The following NEBL variants were observed in gnomAD, a reference collection of about 807,000 sequenced individuals.
NEBL encodes the protein nebulette, also known as LIM and SH3 protein 2.
Under a neutral mutation model 140.2 loss-of-function variants are expected in NEBL, and 122 were observed. The observed-to-expected ratio is 0.87, with a 90% CI of 0.75 to 1.01. NEBL has a LOEUF of 1.01. Ranked by LOEUF, NEBL falls within the 50% of genes least tolerant of loss-of-function variation. The pLI is 0.00. For missense variants in NEBL, 1,365 were observed against 1,231.3 expected (o/e 1.11, Z -1.62); for synonymous variants, 436 against 398.9 (o/e 1.09, Z -1.11).
chr10:20,944,120 C>T (rs1363216172), intron 4 of NEBL, among the ~76,000 whole-genome samples: 1 of 152,122 alleles, frequency 6.6e-6, no homozygotes, highest in African/African-American at 2.4e-5. Context: ...AAATATAGGC[C>T]GGGCGCAGTG....
intron 16 of NEBL, among the ~76,000 whole-genome samples, chr10:20,830,734 CAA>C (rs577547056): frequency 1.1e-4 from 14 of 129,726 alleles, no homozygotes; most frequent in Non-Finnish European, 1.7e-4. Context: ...CCAATAGGGT[CAA>C]AAAAAAAAAA....
chr10:21,074,261 G>A (rs1292991629), intron 2 of NEBL, among the ~76,000 whole-genome samples: 1 of 151,886 alleles, frequency 6.6e-6, no homozygotes, highest in Non-Finnish European at 1.5e-5. Flanking sequence ...ATCTGCTTGT[G>A]CCTACCCATA....
chr10:21,143,448 C>CAAAA (rs72021692), intron 2 of NEBL, among the ~76,000 whole-genome samples: 18 of 66,442 alleles, frequency 2.7e-4, no homozygotes, highest in East Asian at 1.4e-3. Flanking sequence ...AACTTCATCT[C>CAAAA]AAAAAAAAAA....
At chr10:20,947,112 A>C (rs1835203302) in intron 4 of NEBL, among the ~76,000 whole-genome samples, 2 of 152,130 alleles carry the variant, frequency 1.3e-5, no homozygotes, top group African/African-American at 2.4e-5. Flanking sequence ...TCCTTTTTTG[A>C]ATACACCTTG....
chr10:20,951,466 T>G (rs562276580), intron 4 of NEBL, among the ~76,000 whole-genome samples: 2 of 149,356 alleles, frequency 1.3e-5, no homozygotes, highest in African/African-American at 4.8e-5. Context: ...GAGAGCATAG[T>G]TGCATACTTA....
intron 26 of NEBL, among the ~76,000 whole-genome samples, chr10:20,795,462 T>A (rs1474848717): frequency 6.6e-6 from 1 of 152,194 alleles, no homozygotes; most frequent in Non-Finnish European, 1.5e-5. Flanking sequence ...CAAACTCAAA[T>A]AAAGTAGCAT....
At chr10:21,179,803 G>A (rs904468273), upstream of NEBL, among the ~76,000 whole-genome samples, 1 of 151,996 alleles carries the variant, frequency 6.6e-6, no homozygotes, top group Non-Finnish European at 1.5e-5. Flanking sequence ...GAAGGGGAAG[G>A]GACCACAAGA....
intron 2 of NEBL, among the ~76,000 whole-genome samples, chr10:21,035,243 C>T (rs1469660393): frequency 1.3e-5 from 2 of 152,126 alleles, no homozygotes; most frequent in Non-Finnish European, 1.5e-5. Flanking sequence ...AGTGATCTGC[C>T]CGCTTCGGCC....
At chr10:21,057,856 T>C (rs1835101548) in intron 2 of NEBL, among the ~76,000 whole-genome samples, 1 of 152,180 alleles carries the variant, frequency 6.6e-6, no homozygotes, top group Non-Finnish European at 1.5e-5. Context: ...GATCTGTTAA[T>C]TTATTCATAA....
intron 2 of NEBL, among the ~76,000 whole-genome samples, chr10:21,103,426 T>G (rs372835649): frequency 9.2e-5 from 14 of 152,080 alleles, no homozygotes; most frequent in East Asian, 7.7e-4. Context: ...TGTTAGCCAG[T>G]ATGGTCTCCA....
At chr10:20,883,545 G>T (rs1404990918) in intron 4 of NEBL, among the ~76,000 whole-genome samples, 1 of 152,190 alleles carries the variant, frequency 6.6e-6, no homozygotes, top group Admixed American at 6.5e-5. Flanking sequence ...GGGAGAGGAG[G>T]AGTTTCATGG....
At chr10:20,909,983 T>C (rs1025096343) in intron 4 of NEBL, among the ~76,000 whole-genome samples, 1 of 152,176 alleles carries the variant, frequency 6.6e-6, no homozygotes, top group African/African-American at 2.4e-5. Flanking sequence ...TATTTCACTG[T>C]GTGTCAGCAA....
rs184430359 is a variant in NEBL at position 21,222,081 on chromosome 10, C to A, written n.348+25840G>T. ...CATGTTCATTTCAACAGGTTTTATA[C>A]CACTATCTCATTTTGAAGTTTATAT... On this transcript the variant is annotated intron_variant and non_coding_transcript_variant, in intron 3 of 8. Coordinates refer to the NEBL transcript ENST00000675702. Among the ~76,000 whole-genome samples the A allele has an allele frequency of 2.8e-3, 418 of 151,680 alleles. 6 individuals carry two copies. The highest frequency in any genetic ancestry group is 4.7e-4 in the Non-Finnish European group (32 of 67,970).
intron 3 of NEBL, among the ~76,000 whole-genome samples, chr10:20,973,040 G>A (rs1482125809): frequency 6.6e-6 from 1 of 152,016 alleles, no homozygotes; most frequent in Non-Finnish European, 1.5e-5. Context: ...GTTACATGAA[G>A]AATTATGGCT....
intron 3 of NEBL, among the ~76,000 whole-genome samples, chr10:21,000,755 A>C (rs1837861727): frequency 6.6e-6 from 1 of 152,212 alleles, no homozygotes; most frequent in African/African-American, 2.4e-5. Context: ...GGAGCAGATG[A>C]CATCAGGTAA....
chr10:21,040,084 T>G (rs1047364717), intron 2 of NEBL, among the ~76,000 whole-genome samples: 4 of 152,148 alleles, frequency 2.6e-5, no homozygotes, highest in Non-Finnish European at 1.5e-5. Context: ...GAAAGAGGGT[T>G]TAACTGGGCG....
intron 13 of NEBL, among the ~76,000 whole-genome samples, chr10:20,837,667 A>G (rs1458044507): frequency 2.6e-5 from 4 of 152,200 alleles, no homozygotes; most frequent in Non-Finnish European, 4.4e-5. Context: ...AAAAGATGCC[A>G]TCTAGGACTT....
chr10:21,147,336 A>G (rs962707918), intron 2 of NEBL, among the ~76,000 whole-genome samples: 4 of 151,802 alleles, frequency 2.6e-5, no homozygotes, highest in African/African-American at 7.3e-5. Flanking sequence ...ATCAGCAGAG[A>G]AAGTCCCTCT....
chr10:20,824,552 A>C (rs1032039953), intron 18 of NEBL, among the ~76,000 whole-genome samples: 9 of 152,214 alleles, frequency 5.9e-5, no homozygotes, highest in Non-Finnish European at 8.8e-5. Context: ...GAGATCTTTA[A>C]ATGTTAGAGA....
Sources: allele counts gnomAD v4.1 joint callset (sites outside exome capture counted in the v4.1 genomes callset), GRCh38; gene constraint gnomAD v4.1.1; transcripts MANE v1.5; gene names NCBI Gene and HGNC (gene_info 2026-07-23, HGNC 2026-07-21).